The following GREB1L variants were observed in gnomAD, a reference collection of about 807,000 sequenced individuals.
The protein encoded by GREB1L is GREB1-like protein.
Under a neutral mutation model 200.8 loss-of-function variants are expected in GREB1L, and 17 were observed. That is an observed-to-expected ratio of 0.08 (90% CI 0.06 to 0.13). The LOEUF (loss-of-function observed/expected upper bound fraction) is 0.13, where lower values mean the gene tolerates loss of function less well. Among genes scored for constraint, GREB1L ranks in the 10% least tolerant of loss-of-function variants. The pLI, the probability that GREB1L is intolerant of heterozygous loss-of-function variation, is 1.00. For synonymous variants in GREB1L, 789 were observed against 893.0 expected, an observed-to-expected ratio of 0.88 and a Z score of 2.08; for missense variants, 1,657 against 2,367.7, an observed-to-expected ratio of 0.70 and a Z score of 6.23.
chr18:21,404,860 C>T (rs1393229547), intron 7 of GREB1L, among the ~76,000 whole-genome samples: 2 of 152,248 alleles, frequency 1.3e-5, no homozygotes, highest in African/African-American at 4.8e-5. Flanking sequence ...GATACACAAA[C>T]TTCATAGCAT....
At chr18:21,440,919 A>T (rs562141605) in intron 9 of GREB1L, among the ~76,000 whole-genome samples, 1 of 152,242 alleles carries the variant, frequency 6.6e-6, no homozygotes, top group Non-Finnish European at 1.5e-5. Flanking sequence ...AGTTATTTAA[A>T]TGTTTGTTTA....
rs1301391088 is a variant in GREB1L, at chr18:21,439,653, T to C, written c.949+16T>C. On this transcript the variant is annotated intron_variant, in intron 8 of 32. Transcript: ENST00000424526. ...GGAGATCAAGGTACAATGCCTGTCG[T>C]AGAGTTTTGTAATAATGCACTTACC... The C allele has an allele frequency of 4.9e-6, 7 of 1,440,740 alleles. No homozygotes were observed. In the African/African-American group the frequency reaches 8.4e-5, roughly 17 times the overall value. 89.2% of individuals were successfully genotyped at this position (1,440,740 alleles called of 1,614,324 possible).
At chr18:21,260,845 A>G (rs1181731493) in intron 1 of GREB1L, among the ~76,000 whole-genome samples, 2 of 151,884 alleles carry the variant, frequency 1.3e-5, no homozygotes, top group Admixed American at 6.6e-5. Flanking sequence ...TAGAGACTCT[A>G]AAGTTGAGCT....
rs1020024371 is a variant in GREB1L at position 21,515,932 on chromosome 18, G to T, written c.5129+288G>T. 5.3e-5 allele frequency among the ~76,000 whole-genome samples: 8 copies of T among 152,222 alleles called. No homozygotes were observed. The East Asian group carries it at 5.8e-4, about 11-fold the overall frequency. On this transcript the variant is annotated intron_variant, in intron 29 of 32. Coordinates refer to ENST00000424526, the MANE Select transcript of GREB1L (RefSeq NM_001142966.3). ...AAACTACTGACTCAAGTCAGTGTGT[G>T]GACCCACAAACATCTAAGATTAAGC...
At chr18:21,444,538 C>G in intron 11 of GREB1L, 129 bp downstream of exon 11, 3 of 740,068 alleles carry the variant, frequency 4.1e-6, no homozygotes, top group Non-Finnish European at 6.6e-6. Flanking sequence ...ATGTTCTTTC[C>G]CTTCAACCCC....
chr18:21,449,660 C>T lies in GREB1L; in HGVS notation c.1544C>T (p.Ala515Val), dbSNP rs2034419659. The change falls in exon 12 of 33, where the codon GCC (alanine) becomes GTC (valine). Residue 515 changes from alanine to valine, a missense_variant. Ala to Val is a moderately conservative substitution (Grantham distance 64, BLOSUM62 0). Coordinates refer to ENST00000424526, the MANE Select transcript of GREB1L (RefSeq NM_001142966.3). Reference sequence around the variant, plus strand: ...CTCCCCTGGCTTGCTAGATTAATTGCCAGCGTATCTCAAGACTTGGTTCAT... The same window carrying T: ...CTCCCCTGGCTTGCTAGATTAATTGTCAGCGTATCTCAAGACTTGGTTCAT... ...GQLPWLARLIASVSQDLVHVV... is the reference protein window; with the variant it reads ...GQLPWLARLIVSVSQDLVHVV... 6.4e-7 allele frequency: 1 copy of T among 1,551,664 alleles called. No homozygotes were observed. Among genetic ancestry groups the T allele is most frequent in the South Asian group, 1.2e-5 (1 of 84,054 alleles).
At chr18:21,390,942 C>G (rs2040777206) in intron 4 of GREB1L, among the ~76,000 whole-genome samples, 1 of 152,082 alleles carries the variant, frequency 6.6e-6, no homozygotes, top group Admixed American at 6.5e-5. Flanking sequence ...TACAGCTATA[C>G]AAAGTGTTTG....
intron 1 of GREB1L, among the ~76,000 whole-genome samples, chr18:21,318,103 G>T (rs1395373175): frequency 2.1e-5 from 1 of 47,400 alleles, no homozygotes; most frequent in Admixed American, 2.4e-4. Flanking sequence ...GTGAGATTCC[G>T]TCAAAAAAAA....
At chr18:21,293,271 G>A (rs546271156) in intron 1 of GREB1L, among the ~76,000 whole-genome samples, 13 of 152,160 alleles carry the variant, frequency 8.5e-5, no homozygotes, top group Admixed American at 5.2e-4. Flanking sequence ...CTGGTTCTAC[G>A]ATTAAGGAGC....
intron 7 of GREB1L, among the ~76,000 whole-genome samples, chr18:21,407,615 T>C (rs994473428): frequency 6.6e-6 from 1 of 152,174 alleles, no homozygotes; most frequent in African/African-American, 2.4e-5. Context: ...ATAGGCCTCA[T>C]CAAAATTAAA....
chr18:21,475,910 A>G (rs1399884677), intron 16 of GREB1L, among the ~76,000 whole-genome samples: 1 of 129,294 alleles, frequency 7.7e-6, no homozygotes, highest in Non-Finnish European at 1.6e-5. Context: ...CAGAGGTTGC[A>G]GTGAGCGGAG....
intron 1 of GREB1L, among the ~76,000 whole-genome samples, chr18:21,305,446 C>T (rs2144734415): frequency 6.6e-6 from 1 of 152,200 alleles, no homozygotes; most frequent in Non-Finnish European, 1.5e-5. Flanking sequence ...CAATATCTAC[C>T]TGCTCTTTTT....
chr18:21,434,499 A>ATATGTGTG (rs1392320151), intron 7 of GREB1L, among the ~76,000 whole-genome samples: 7 of 127,286 alleles, frequency 5.5e-5, no homozygotes, highest in African/African-American at 2.4e-4. Flanking sequence ...ATATATATAT[A>ATATGTGTG]TGTGTGTGTG....
intron 21 of GREB1L, among the ~76,000 whole-genome samples, 183 bp downstream of exon 21, chr18:21,496,881 C>T (rs1357943364): frequency 6.6e-6 from 1 of 152,170 alleles, no homozygotes; most frequent in Non-Finnish European, 1.5e-5. Flanking sequence ...GTTGAACAGC[C>T]ACAAAATACT....
At chr18:21,502,003 G>A (rs1430472368) in intron 23 of GREB1L, among the ~76,000 whole-genome samples, 5 of 152,228 alleles carry the variant, frequency 3.3e-5, no homozygotes, top group African/African-American at 9.6e-5. Context: ...GCTCACGCCT[G>A]TAATCCCAGC....
intron 1 of GREB1L, among the ~76,000 whole-genome samples, chr18:21,274,294 C>T (rs1256820535): frequency 1.3e-5 from 2 of 152,164 alleles, no homozygotes; most frequent in African/African-American, 4.8e-5. Flanking sequence ...AACTTAACTC[C>T]TAAAACCATC....
chr18:21,296,152 A>G (rs892983827), intron 1 of GREB1L, among the ~76,000 whole-genome samples: 1 of 152,224 alleles, frequency 6.6e-6, no homozygotes, highest in Non-Finnish European at 1.5e-5. Context: ...ACTATTCACA[A>G]TAGCAAAGAC....
intron 7 of GREB1L, among the ~76,000 whole-genome samples, chr18:21,420,786 G>A (rs2032085374): frequency 6.6e-6 from 1 of 152,144 alleles, no homozygotes; most frequent in East Asian, 1.9e-4. Flanking sequence ...ATTCCTAGGT[G>A]TTTACCAGAG....
chr18:21,443,388 G>A (rs570220602), intron 10 of GREB1L, among the ~76,000 whole-genome samples: 6 of 151,682 alleles, frequency 4.0e-5, no homozygotes, highest in South Asian at 2.1e-4. Flanking sequence ...GCTGGGTTTC[G>A]CCTCTACTAA....
Sources: gnomAD v4.1 joint callset for allele counts (sites outside exome capture counted in the v4.1 genomes callset) on GRCh38, gnomAD v4.1.1 for gene constraint, MANE v1.5 for transcripts, NCBI Gene and HGNC (gene_info 2026-07-23, HGNC 2026-07-21) for gene names.